Variants in ANO4 observed in about 807,000 individuals in gnomAD.
ANO4 encodes the protein anoctamin-4.
A neutral mutation model predicts 141.9 loss-of-function variants in ANO4; 69 were observed. That is an observed-to-expected ratio of 0.49 (90% CI 0.40 to 0.59). The LOEUF is 0.59. Among genes scored for constraint, ANO4 ranks in the 20% least tolerant of loss-of-function variants. The pLI, the probability that ANO4 is intolerant of heterozygous loss-of-function variation, is 0.00. For missense variants in ANO4, 894 were observed against 1,162.2 expected (o/e 0.77, Z 3.36); for synonymous variants, 350 against 394.3 (o/e 0.89, Z 1.33).
At chr12:101,078,996 A>G (rs1478501892) in intron 14 of ANO4, among the ~76,000 whole-genome samples, 197 bp from the exon 15 acceptor site, 1 of 152,206 alleles carries the variant, frequency 6.6e-6, no homozygotes, top group African/African-American at 2.4e-5. Flanking sequence ...CTCGTTTTTC[A>G]TTATGTCTGA....
At chr12:101,069,150 TTG>T in intron 14 of ANO4, 1 of 1,311,684 alleles carries the variant, frequency 7.6e-7, no homozygotes, top group Non-Finnish European at 1.1e-6. Flanking sequence ...AAGAATCTAA[TTG>T]AAATGTCTGA....
intron 1 of ANO4, among the ~76,000 whole-genome samples, chr12:100,884,324 A>T (rs906307702): frequency 2.0e-5 from 3 of 152,224 alleles, no homozygotes; most frequent in African/African-American, 7.2e-5. Flanking sequence ...TAAGGAAATT[A>T]AATATCGATT....
chr12:101,107,769 G>A (rs921809281), intron 22 of ANO4, among the ~76,000 whole-genome samples: 14 of 152,080 alleles, frequency 9.2e-5, no homozygotes, highest in Admixed American at 9.2e-4. Context: ...GGAGATGAGT[G>A]ATGGGGTTGA....
At chr12:100,906,547 A>G (rs539187433) in intron 2 of ANO4, among the ~76,000 whole-genome samples, 3 of 152,322 alleles carry the variant, frequency 2.0e-5, no homozygotes, top group Admixed American at 6.5e-5. Context: ...ACAAGGGACT[A>G]TAAAGGGTAG....
intron 1 of ANO4, among the ~76,000 whole-genome samples, chr12:100,834,823 A>T (rs2036818218): frequency 6.6e-6 from 1 of 152,104 alleles, no homozygotes; most frequent in Non-Finnish European, 1.5e-5. Context: ...AAACTGATGG[A>T]TGTGAGGAAG....
chr12:100,954,808 C>A (rs2043117385), intron 5 of ANO4, among the ~76,000 whole-genome samples: 1 of 152,306 alleles, frequency 6.6e-6, no homozygotes, highest in East Asian at 1.9e-4. Context: ...CTCCCAGAAA[C>A]CCACATCTTT....
At chr12:101,038,840 C>T (rs1415921075) in intron 10 of ANO4, 1 of 151,944 alleles carries the variant, frequency 6.6e-6, no homozygotes, top group African/African-American at 2.4e-5. Context: ...TTTGGGAGGC[C>T]AAGGTGGAAG....
chr12:101,044,860 G>A (rs982051550), intron 13 of ANO4, among the ~76,000 whole-genome samples: 1 of 152,192 alleles, frequency 6.6e-6, no homozygotes, highest in African/African-American at 2.4e-5. Flanking sequence ...ATTTAACAGA[G>A]TGACTTTAGG....
At chr12:100,752,715 T>G (rs550284679) in intron 3 of ANO4, among the ~76,000 whole-genome samples, 21 of 152,304 alleles carry the variant, frequency 1.4e-4, no homozygotes, top group African/African-American at 5.1e-4. Flanking sequence ...TGAGACTGTC[T>G]CCCAGAGTTG....
intron 7 of ANO4, among the ~76,000 whole-genome samples, chr12:100,985,745 A>C (rs955603017): frequency 6.6e-6 from 1 of 152,204 alleles, no homozygotes; most frequent in Non-Finnish European, 1.5e-5. Context: ...AGCCACCACC[A>C]AGCAGAGTTG....
chr12:101,082,799 G>A (rs7316824), intron 15 of ANO4, among the ~76,000 whole-genome samples: 35,409 of 152,066 alleles, frequency 0.23, 4,229 homozygotes, highest in Admixed American at 0.28. Flanking sequence ...ACCTTCATCC[G>A]AATCTTGACC....
chr12:100,751,684 G>A (rs1000471222), intron 3 of ANO4, among the ~76,000 whole-genome samples: 1 of 152,046 alleles, frequency 6.6e-6, no homozygotes, highest in Non-Finnish European at 1.5e-5. Flanking sequence ...GGTGCTGGGT[G>A]TACTGGAGTG....
intron 3 of ANO4, among the ~76,000 whole-genome samples, chr12:100,751,065 T>C (rs1036480951): frequency 6.6e-6 from 1 of 152,114 alleles, no homozygotes; most frequent in African/African-American, 2.4e-5. Flanking sequence ...TTCAACATTG[T>C]CCCACAACAA....
intron 1 of ANO4, among the ~76,000 whole-genome samples, chr12:100,840,206 A>T (rs2037167563): frequency 6.6e-6 from 1 of 152,130 alleles, no homozygotes; most frequent in African/African-American, 2.4e-5. Context: ...CTCAAGGAGG[A>T]ATGACTTCAG....
intron 1 of ANO4, among the ~76,000 whole-genome samples, chr12:100,884,930 G>C (rs1241172133): frequency 6.6e-6 from 1 of 152,170 alleles, no homozygotes; most frequent in Non-Finnish European, 1.5e-5. Flanking sequence ...CCTGACCTCA[G>C]GTGATCCGCC....
chr12:101,016,338 G>A (rs753187410), intron 8 of ANO4, among the ~76,000 whole-genome samples: 1 of 151,980 alleles, frequency 6.6e-6, no homozygotes, highest in African/African-American at 2.4e-5. Flanking sequence ...CAAGGGCAAG[G>A]TGGGGCAGGG....
rs1291534332 is a variant in ANO4, at chr12:100,922,272, A to AC, written c.104dup (p.Asp36Ter). The AC allele has an allele frequency of 1.2e-5, 18 of 1,533,636 alleles. No individual in the cohort carries two copies. Among genetic ancestry groups the AC allele is most frequent in the Non-Finnish European group, 1.6e-5 (18 of 1,146,056 alleles). On this transcript the variant is annotated frameshift_variant, in exon 3 of 28. Coordinates refer to ENST00000392977, the MANE Select transcript of ANO4 (RefSeq NM_001286615.2). LOFTEE classifies it high-confidence loss of function. ...GCTACCAGCTGGATATGCAAATACTACCTGACGGGCCAAAGAGTGATGTGG... is the reference window on the plus strand; with the variant it reads ...GCTACCAGCTGGATATGCAAATACTACCCTGACGGGCCAAAGAGTGATGTGG...
chr12:100,781,444 G>A (rs879532246), intron 3 of ANO4, among the ~76,000 whole-genome samples: 2 of 152,054 alleles, frequency 1.3e-5, no homozygotes, highest in African/African-American at 2.4e-5. Flanking sequence ...GTATCAGTGA[G>A]GTTTCCATAT....
intron 1 of ANO4, among the ~76,000 whole-genome samples, chr12:100,803,727 C>T (rs922092918): frequency 2.0e-5 from 3 of 152,096 alleles, no homozygotes; most frequent in African/African-American, 7.2e-5. Flanking sequence ...GCATCATTGT[C>T]CTCAATTATA....
Sources: allele counts gnomAD v4.1 joint callset (sites outside exome capture counted in the v4.1 genomes callset), GRCh38; gene constraint gnomAD v4.1.1; transcripts MANE v1.5; gene names NCBI Gene and HGNC (gene_info 2026-07-23, HGNC 2026-07-21).